The following IPP variants were observed in gnomAD, a reference collection of about 807,000 sequenced individuals.
IPP encodes actin-binding protein IPP.
A neutral mutation model predicts 64.1 loss-of-function variants in IPP; 41 were observed. That is an observed-to-expected ratio of 0.64 (90% CI 0.50 to 0.83). The LOEUF is 0.83. Among genes scored for constraint, IPP ranks in the 40% least tolerant of loss-of-function variants. IPP has a pLI of 0.00. For missense variants in IPP, 649 were observed against 703.0 expected (o/e 0.92, Z 0.87); for synonymous variants, 214 against 235.2 (o/e 0.91, Z 0.83).
At chr1:45,745,820 G>A (rs1036370136) in intron 2 of IPP, among the ~76,000 whole-genome samples, 2 of 151,962 alleles carry the variant, frequency 1.3e-5, no homozygotes, top group Admixed American at 6.6e-5. Flanking sequence ...AGCCAAGATC[G>A]CCCCACTGCA....
At chr1:45,720,591 G>A (rs1363441040) in intron 5 of IPP, among the ~76,000 whole-genome samples, 1 of 152,044 alleles carries the variant, frequency 6.6e-6, no homozygotes, top group East Asian at 1.9e-4. Flanking sequence ...AAAAGAATAA[G>A]GAGAAACAGT....
intron 2 of IPP, among the ~76,000 whole-genome samples, chr1:45,741,623 C>CTTTTTTT (rs57797396): frequency 1.2e-3 from 117 of 96,128 alleles, no homozygotes; most frequent in Non-Finnish European, 1.6e-3. Context: ...TTCTTATTTT[C>CTTTTTTT]TTTTTTTTTT....
intron 8 of IPP, among the ~76,000 whole-genome samples, chr1:45,703,087 T>A (rs1443592689): frequency 1.3e-5 from 2 of 151,468 alleles, no homozygotes; most frequent in Non-Finnish European, 2.9e-5. Flanking sequence ...AAAACAATCT[T>A]TTTTGTTCGT....
intron 5 of IPP, among the ~76,000 whole-genome samples, chr1:45,723,288 T>C: frequency 6.6e-6 from 1 of 152,198 alleles, no homozygotes; most frequent in East Asian, 1.9e-4. Context: ...CAAAATTTTG[T>C]ACAACAAACC....
At chr1:45,716,685 T>C (rs980132486) in intron 7 of IPP, among the ~76,000 whole-genome samples, 4 of 152,250 alleles carry the variant, frequency 2.6e-5, no homozygotes, top group African/African-American at 9.6e-5. Flanking sequence ...AATTCTAGCC[T>C]TGTTTATTTC....
chr1:45,712,625 A>C (rs565276470), intron 8 of IPP, among the ~76,000 whole-genome samples: 2 of 152,012 alleles, frequency 1.3e-5, no homozygotes, highest in Admixed American at 1.3e-4. Context: ...TGGGAGGCCG[A>C]GGCAGGAAGA....
chr1:45,711,219 G>A (rs1218003126), intron 8 of IPP, among the ~76,000 whole-genome samples: 1 of 151,400 alleles, frequency 6.6e-6, no homozygotes, highest in Non-Finnish European at 1.5e-5. Context: ...GCGGGTGCTT[G>A]TAGTCCCAGC....
At position 45,716,996 on chromosome 1, in the gene IPP, A is replaced by C. The variant is rs1645668390; in HGVS notation, c.1208T>G (p.Ile403Arg). Reference sequence around the variant, plus strand: ...ATCAAATCGTTCAATGGTGTTCCCTATCTCAGCTCCAACCCATCCACCTGT... The same window carrying C: ...ATCAAATCGTTCAATGGTGTTCCCTCTCTCAGCTCCAACCCATCCACCTGT... ...YALGGWVGAE[I>R]GNTIERFDPD... Residue 403 changes from isoleucine to arginine, a missense_variant, in exon 7 of 9, where the codon ATA becomes AGA. Ile to Arg is a moderately conservative substitution (Grantham distance 97). Coordinates refer to ENST00000396478, the MANE Select transcript of IPP (RefSeq NM_005897.3). 1 of 1,612,986 alleles carries C rather than the reference A, an allele frequency of 6.2e-7. No homozygotes were observed. The highest frequency in any genetic ancestry group is 8.5e-7 in the Non-Finnish European group (1 of 1,179,600).
At chr1:45,700,212 A>AT in intron 8 of IPP, 22 bp from the exon 9 acceptor site, 2 of 1,594,492 alleles carry the variant, frequency 1.3e-6, no homozygotes, top group Non-Finnish European at 8.5e-7. Flanking sequence ...AGAAAAAAAA[A>AT]ATATGTTAGC....
chr1:45,714,331 G>C lies in IPP; in HGVS notation c.1445C>G (p.Ala482Gly), dbSNP rs1230136179. The change falls in exon 8 of 9, where the codon GCA (alanine) becomes GGA (glycine). Residue 482 changes from alanine (A) to glycine (G), a missense_variant. Transcript: ENST00000396478. Reference protein sequence around the residue: ...GTRRAYLGVAALNDCIYSVGG... With the variant: ...GTRRAYLGVAGLNDCIYSVGG... ...AACAGAATAGATGCAGTCATTGAGT[G>C]CAGCCACACCAAGATATGCTCTCCT... The C allele has an allele frequency of 6.2e-7, 1 of 1,614,090 alleles. No individual in the cohort carries two copies.
chr1:45,714,199 A>T, intron 8 of IPP, 47 bp downstream of exon 8: 2 of 1,317,996 alleles, frequency 1.5e-6, no homozygotes, highest in Non-Finnish European at 2.2e-6. Flanking sequence ...TCTTACAGAC[A>T]TTAAAAGAAT....
At chr1:45,742,695 G>A (rs1646082786) in intron 2 of IPP, among the ~76,000 whole-genome samples, 2 of 151,776 alleles carry the variant, frequency 1.3e-5, no homozygotes, top group Non-Finnish European at 2.9e-5. Context: ...CACCATGATC[G>A]GCTAATTTTC....
chr1:45,726,724 CTTT>C (rs58547972), intron 5 of IPP, among the ~76,000 whole-genome samples: 2 of 135,342 alleles, frequency 1.5e-5, no homozygotes, highest in Admixed American at 7.5e-5. Context: ...TTTGATGCCA[CTTT>C]TTTTTTTTTT....
downstream of IPP, among the ~76,000 whole-genome samples, chr1:45,695,763 G>A (rs965235859): frequency 4.6e-5 from 7 of 151,850 alleles, no homozygotes; most frequent in Admixed American, 6.6e-5. Flanking sequence ...TCCGCCTCCC[G>A]TGTTGAAGCG....
chr1:45,707,376 T>C (rs1441558402), intron 8 of IPP, among the ~76,000 whole-genome samples: 2 of 134,722 alleles, frequency 1.5e-5, no homozygotes, highest in African/African-American at 5.7e-5. Flanking sequence ...TGAGCCAAGA[T>C]CGCGCCACTG....
chr1:45,706,486 G>C (rs1043360599), intron 8 of IPP, among the ~76,000 whole-genome samples: 2 of 151,938 alleles, frequency 1.3e-5, no homozygotes, highest in African/African-American at 2.4e-5. Flanking sequence ...TTTCACTCTT[G>C]TTGCCCAGGC....
intron 2 of IPP, 131 bp downstream of exon 2, chr1:45,745,989 T>C (rs1046809396): frequency 2.8e-6 from 2 of 721,248 alleles, no homozygotes; most frequent in Admixed American, 3.0e-5. Flanking sequence ...TCATAAGATA[T>C]GAATTTTCAG....
intron 3 of IPP, among the ~76,000 whole-genome samples, chr1:45,738,697 G>A (rs982651253): frequency 2.6e-5 from 4 of 151,502 alleles, no homozygotes; most frequent in Non-Finnish European, 5.9e-5. Context: ...AAAATTAGCC[G>A]GGCATGGTGG....
At chr1:45,709,501 A>C (rs1218107899) in intron 8 of IPP, among the ~76,000 whole-genome samples, 1 of 149,854 alleles carries the variant, frequency 6.7e-6, no homozygotes, top group Non-Finnish European at 1.5e-5. Flanking sequence ...ATGCAATTCT[A>C]CACAAAAGAG....
Sources: gnomAD v4.1 joint callset for allele counts (sites outside exome capture counted in the v4.1 genomes callset) on GRCh38, gnomAD v4.1.1 for gene constraint, MANE v1.5 for transcripts, NCBI Gene and HGNC (gene_info 2026-07-23, HGNC 2026-07-21) for gene names.